Variants in OTOF observed in about 807,000 individuals in gnomAD.
OTOF encodes otoferlin, also known as fer-1-like family member 2.
Under a neutral mutation model 236.8 loss-of-function variants are expected in OTOF, and 218 were observed. The ratio of observed to expected loss-of-function variants is 0.92; its 90% CI spans 0.82 to 1.03. OTOF has a LOEUF of 1.03. Among genes scored for constraint, OTOF ranks in the 50% least tolerant of loss-of-function variants. The pLI, the probability that OTOF is intolerant of heterozygous loss-of-function variation, is 0.00. For missense variants in OTOF, 2,590 were observed against 2,694.4 expected, an observed-to-expected ratio of 0.96 and a Z score of 0.86; for synonymous variants, 1,041 against 1,072.5, an observed-to-expected ratio of 0.97 and a Z score of 0.57.
chr2:26,503,928 G>A lies in OTOF; in HGVS notation c.510-83C>T, dbSNP rs78380906. 3,861 of 1,226,844 alleles carry A rather than the reference G, an allele frequency of 3.1e-3. 80 individuals are homozygous for A. The African/African-American group carries it at 0.048, about 15-fold the overall frequency. The allele number at this position is 1,226,844 out of a possible 1,614,324, so 76.0% of individuals were successfully genotyped here. On this transcript the variant is annotated intron_variant, in intron 5 of 46. Transcript: ENST00000272371. ...ACAAACACAGAAGAGCCAAACATGA[G>A]AGAACACATCAGAGAAGGGAGATGG...
In OTOF at chr2:26,482,348, T is replaced by C. The variant is rs892723248; in HGVS notation, c.1579+58A>G. ...TGTGAAGAGAGGGCATCTCACATATTCCTTCCCTTCAGGCCACTCCCTCTG... is the reference window on the plus strand; with the variant it reads ...TGTGAAGAGAGGGCATCTCACATATCCCTTCCCTTCAGGCCACTCCCTCTG... On this transcript the variant is annotated intron_variant, in intron 14 of 46. Transcript: ENST00000272371. The C allele has an allele frequency of 3.3e-6, 5 of 1,496,604 alleles. No homozygotes were observed. In the Admixed American group the frequency reaches 5.0e-5, roughly 15 times the overall value. 92.7% of individuals were successfully genotyped at this position (1,496,604 alleles called of 1,614,324 possible). A position where few individuals can be genotyped will look rare whatever the true frequency, so the allele number is the denominator to read the frequency against.
At chr2:26,498,120 G>C (rs1022300484) in intron 8 of OTOF, among the ~76,000 whole-genome samples, 19 of 152,182 alleles carry the variant, frequency 1.2e-4, no homozygotes, top group African/African-American at 4.1e-4. Flanking sequence ...CCATCTCGAG[G>C]CATGGCCATA....
At position 26,463,962 on chromosome 2, in the gene OTOF, A is replaced by T. The variant is rs1323329701; in HGVS notation, c.5103+2T>A. On this transcript the variant is annotated splice_donor_variant, in intron 40 of 46. Coordinates refer to ENST00000272371, the MANE Select transcript of OTOF (RefSeq NM_194248.3). LOFTEE classifies it high-confidence loss of function. ...CCCCAGTCTTGGCCATGCAAGTGTC[A>T]CCTGCTCGATGCCCGGCTTGTCGGG... 1.2e-6 allele frequency: 2 copies of T among 1,613,462 alleles called. No individual in the cohort carries two copies. The highest frequency in any genetic ancestry group is 1.6e-4 in the Middle Eastern group (1 of 6,062).
chr2:26,498,197 G>A (rs1666035846), intron 8 of OTOF, among the ~76,000 whole-genome samples: 1 of 152,210 alleles, frequency 6.6e-6, no homozygotes, highest in Non-Finnish European at 1.5e-5. Flanking sequence ...CCATGTAGCA[G>A]AGCCAGTGAA....
At chr2:26,464,821 G>A in intron 39 of OTOF, 48 bp downstream of exon 39, 2 of 1,566,018 alleles carry the variant, frequency 1.3e-6, no homozygotes, top group South Asian at 2.4e-5. Flanking sequence ...CCTGGCCTCT[G>A]AAACCCCCTG....
At position 26,472,615 on chromosome 2, in the gene OTOF, A is replaced by T; in HGVS notation, c.3768T>A (p.Asn1256Lys). The T allele has an allele frequency of 6.2e-7, 1 of 1,613,400 alleles. No individual in the cohort carries two copies. Among genetic ancestry groups the T allele is most frequent in the Non-Finnish European group, 8.5e-7 (1 of 1,179,988 alleles). ...CTGTGGAGTGAGAGGAGGAGCCCCC[A>T]TTGCACAGCACACGGCAGCGCCGGA... The part of the protein sequence containing the change: ...RLLRRCRVLC[N>K]GGSSSHSTGE... Residue 1256 changes from asparagine (N) to lysine (K), a missense_variant, in exon 30 of 47, where the codon AAT becomes AAA. Coordinates refer to ENST00000272371, the MANE Select transcript of OTOF (RefSeq NM_194248.3).
chr2:26,468,306 G>T, intron 33 of OTOF, 102 bp downstream of exon 33: 1 of 878,370 alleles, frequency 1.1e-6, no homozygotes. Context: ...AGGCTGGGAG[G>T]GCTGGCAGGA....
chr2:26,493,787 C>T (rs756494708), intron 9 of OTOF, among the ~76,000 whole-genome samples: 5 of 152,148 alleles, frequency 3.3e-5, no homozygotes, highest in Non-Finnish European at 7.3e-5. Context: ...GAAAATGAAA[C>T]TTAGGCGACG....
At chr2:26,545,856 G>A (rs1013447764) in intron 1 of OTOF, among the ~76,000 whole-genome samples, 7 of 151,842 alleles carry the variant, frequency 4.6e-5, no homozygotes, top group African/African-American at 1.7e-4. Flanking sequence ...CTGCTCCATT[G>A]GTCTATATGT....
In OTOF at chr2:26,473,265, C is replaced by G. The variant is rs149725703; in HGVS notation, c.3600G>C (p.Pro1200=). The change falls in exon 29 of 47, where the codon CCG becomes CCC. Residue 1200 remains proline, a synonymous_variant. Coordinates refer to ENST00000272371, the MANE Select transcript of OTOF (RefSeq NM_194248.3). The surrounding 1 kb of genome is among the most constrained non-coding windows in gnomAD (Gnocchi z 7.2). ...AGTCCACCACACGGATGTTCAAGGG[C>G]GGGTGCAGCAGCTCGTTCTCTGGGA... The part of the protein sequence containing the change: ...VDLPENELLH[P]PLNIRVVDCR... 1.2e-6 allele frequency: 2 copies of G among 1,613,354 alleles called. No individual in the cohort carries two copies.
At chr2:26,499,435 A>G (rs1666066101) in intron 8 of OTOF, among the ~76,000 whole-genome samples, 1 of 152,124 alleles carries the variant, frequency 6.6e-6, no homozygotes, top group Non-Finnish European at 1.5e-5. Context: ...CGGTCTTTAT[A>G]TCTCATCAAA....
chr2:26,503,911 A>G, intron 5 of OTOF, 66 bp from the exon 6 acceptor site: 2 of 1,394,206 alleles, frequency 1.4e-6, no homozygotes, highest in South Asian at 1.2e-5. Context: ...ACACAAACAC[A>G]GAAGAGCCAA....
In OTOF at chr2:26,461,410, C is replaced by T. The variant is rs1379106741; in HGVS notation, c.5533+286G>A. Among the ~76,000 whole-genome samples the T allele has an allele frequency of 6.6e-6, 1 of 152,176 alleles. No individual in the cohort carries two copies. Among genetic ancestry groups the T allele is most frequent in the Non-Finnish European group, 1.5e-5 (1 of 68,014 alleles). ...GCAACCTGAGGCCCAGGGAGGTTTC[C>T]CGACTCCCTTAGGGAGCCTCTCCCC... On this transcript the variant is annotated intron_variant, in intron 43 of 46. Coordinates refer to ENST00000272371, the MANE Select transcript of OTOF (RefSeq NM_194248.3). The surrounding 1 kb of genome is among the most constrained non-coding windows in gnomAD (Gnocchi z 6.2).
At chr2:26,532,092 C>CAAAAAAAAAAAAAAAAAAAAAAA (rs150580671) in intron 2 of OTOF, among the ~76,000 whole-genome samples, 1 of 80,218 alleles carries the variant, frequency 1.2e-5, no homozygotes, top group African/African-American at 6.3e-5. Flanking sequence ...GACTCCACCT[C>CAAAAAAAAAAAAAAAAAAAAAAA]AAAAAAAAAA....
At chr2:26,545,765 G>C (rs1174273006) in intron 1 of OTOF, among the ~76,000 whole-genome samples, 2 of 152,072 alleles carry the variant, frequency 1.3e-5, no homozygotes, top group African/African-American at 2.4e-5. Flanking sequence ...TCTCCATATA[G>C]ATACCTAGTT....
chr2:26,503,850 G>C lies in OTOF; in HGVS notation c.510-5C>G, dbSNP rs752701452. On this transcript the variant is annotated splice_region_variant and splice_polypyrimidine_tract_variant and intron_variant, in intron 5 of 46. Transcript: ENST00000272371. ...GAGAACACGCTCCTCCCGGCTCTGT[G>C]AGGGGGGCCACCAGAATGAGGTGCA... 1.9e-6 allele frequency: 3 copies of C among 1,613,942 alleles called. No individual in the cohort carries two copies. In the South Asian group the frequency reaches 3.3e-5, roughly 18 times the overall value.
At chr2:26,487,036 T>A (rs1243521793) in intron 11 of OTOF, among the ~76,000 whole-genome samples, 1 of 152,214 alleles carries the variant, frequency 6.6e-6, no homozygotes, top group Non-Finnish European at 1.5e-5. Flanking sequence ...TGGCCCGTCC[T>A]CACCCCCAAC....
chr2:26,536,775 T>C (rs1468978482), intron 2 of OTOF, among the ~76,000 whole-genome samples: 1 of 152,194 alleles, frequency 6.6e-6, no homozygotes, highest in Non-Finnish European at 1.5e-5. Flanking sequence ...GCTTCCAGTT[T>C]GTGCTAAGAT....
rs771562117 is a variant in OTOF at position 26,463,568 on chromosome 2, G to A, written c.5107C>T (p.Arg1703Cys). ...AACATGTCCACCCACAGCTCCAGGC[G>A]GCCCTGAGGAAGAGGGTTGTGGCAG... ...NPDKPGIEQG[R>C]LELWVDMFPM... The change falls in exon 41 of 47, where the codon CGC (arginine) becomes TGC (cysteine). Residue 1703 changes from arginine (R) to cysteine (C), a missense_variant. Around this residue, in one of 2 missense-constraint regions of OTOF, gnomAD observed 1,211 missense variants for 1,352.8 expected, o/e 0.90. Coordinates refer to ENST00000272371, the MANE Select transcript of OTOF (RefSeq NM_194248.3). The A allele has an allele frequency of 3.1e-5, 50 of 1,600,654 alleles. No individual in the cohort carries two copies. Among genetic ancestry groups the A allele is most frequent in the Admixed American group, 3.1e-4 (18 of 58,256 alleles).
Sources: gnomAD v4.1 joint callset for allele counts (sites outside exome capture counted in the v4.1 genomes callset) on GRCh38, gnomAD v4.1.1 for gene constraint, gnomAD v4.1.1 regional missense constraint, Gnocchi (gnomAD v3.1) non-coding constraint, MANE v1.5 for transcripts, NCBI Gene and HGNC (gene_info 2026-07-23, HGNC 2026-07-21) for gene names.